The following USP28 variants were observed in gnomAD, a reference collection of about 807,000 sequenced individuals.
The protein encoded by USP28 is ubiquitin carboxyl-terminal hydrolase 28.
Under a neutral mutation model 145.0 loss-of-function variants are expected in USP28, and 113 were observed. The ratio of observed to expected loss-of-function variants is 0.78; its 90% confidence interval spans 0.67 to 0.91. USP28 has a LOEUF of 0.91. USP28 is among the 40% of genes least tolerant of loss of function. USP28 has a pLI of 0.00. For missense variants in USP28, 1,201 were observed against 1,289.6 expected (o/e 0.93, Z 1.05); for synonymous variants, 447 against 450.9 (o/e 0.99, Z 0.11).
intron 1 of USP28, among the ~76,000 whole-genome samples, chr11:113,863,496 T>G (rs974877446): frequency 1.5e-4 from 22 of 151,248 alleles, no homozygotes; most frequent in Non-Finnish European, 3.1e-4. Context: ...AACACAAAAA[T>G]TAGTCGGGTG....
intron 11 of USP28, among the ~76,000 whole-genome samples, chr11:113,824,968 A>T (rs1250791310): frequency 6.6e-6 from 1 of 151,824 alleles, no homozygotes; most frequent in Admixed American, 6.6e-5. Context: ...ATTTTCCCCA[A>T]ACTGATCTGT....
intron 3 of USP28, among the ~76,000 whole-genome samples, chr11:113,850,534 T>G (rs973110870): frequency 8.5e-5 from 13 of 152,268 alleles, no homozygotes; most frequent in Admixed American, 5.9e-4. Context: ...CACAGCAGCA[T>G]CATCCAGAAT....
intron 24 of USP28, among the ~76,000 whole-genome samples, chr11:113,801,136 A>C (rs1194002298): frequency 6.6e-6 from 1 of 152,168 alleles, no homozygotes; most frequent in Non-Finnish European, 1.5e-5. Context: ...GAGCCACTGC[A>C]CCCAGTCAGA....
chr11:113,874,852 C>T (rs45587435), intron 1 of USP28: 116,607 of 1,006,040 alleles, frequency 0.12, 6,842 homozygotes, highest in Middle Eastern at 0.17. Flanking sequence ...TTCTATTCAT[C>T]ACGCAGCTCC....
At chr11:113,844,661 A>G (rs1945620697) in intron 3 of USP28, among the ~76,000 whole-genome samples, 1 of 152,218 alleles carries the variant, frequency 6.6e-6, no homozygotes, top group Non-Finnish European at 1.5e-5. Flanking sequence ...GATGCTCAAC[A>G]TCACTAATCA....
At position 113,817,642 on chromosome 11, in the gene USP28, A is replaced by T; in HGVS notation, c.1463+16T>A. The T allele has an allele frequency of 6.2e-7, 1 of 1,609,692 alleles. No homozygotes were observed. Among genetic ancestry groups the T allele is most frequent in the Non-Finnish European group, 8.5e-7 (1 of 1,178,762 alleles). ...AAAAACAATACATACCATTAAAAAA[A>T]AAATGTTTTCATTACCTTTCCTTGG... On this transcript the variant is annotated intron_variant, in intron 13 of 24. Transcript: ENST00000003302.
chr11:113,872,267 A>C (rs1369304233), intron 1 of USP28, among the ~76,000 whole-genome samples: 1 of 152,166 alleles, frequency 6.6e-6, no homozygotes, highest in Non-Finnish European at 1.5e-5. Context: ...CGGGCGGATC[A>C]TGAGGTCAGG....
chr11:113,826,687 A>C (rs1316368767), intron 11 of USP28, among the ~76,000 whole-genome samples: 1 of 151,992 alleles, frequency 6.6e-6, no homozygotes, highest in Non-Finnish European at 1.5e-5. Context: ...TGGGAGGCCA[A>C]GGCAGGCGGA....
exon 11 of USP28, chr11:113,827,281 T>C: frequency 6.2e-7 from 1 of 1,613,230 alleles, no homozygotes; most frequent in Non-Finnish European, 8.5e-7. Context: ...GTGAATTTTC[T>C]CTGGCTGCCC....
At chr11:113,836,026 C>T (rs1469894121) in intron 5 of USP28, among the ~76,000 whole-genome samples, 5 of 152,012 alleles carry the variant, frequency 3.3e-5, no homozygotes, top group Non-Finnish European at 7.4e-5. Flanking sequence ...TGCCGTGAGC[C>T]GAGATCGCAC....
chr11:113,849,471 A>G (rs1946232720), intron 3 of USP28, among the ~76,000 whole-genome samples: 1 of 152,150 alleles, frequency 6.6e-6, no homozygotes, highest in African/African-American at 2.4e-5. Flanking sequence ...AGCCCGTGTT[A>G]GGCTTTTTAC....
intron 12 of USP28, 70 bp from the exon 13 acceptor site, chr11:113,817,907 A>T (rs963980192): frequency 1.3e-6 from 2 of 1,522,556 alleles, no homozygotes; most frequent in Non-Finnish European, 9.0e-7. Flanking sequence ...CTGACAAAAG[A>T]TCTGTTTATC....
exon 20 of USP28, chr11:113,804,878 A>G (rs767570261): frequency 6.8e-6 from 11 of 1,614,010 alleles, no homozygotes; most frequent in Non-Finnish European, 9.3e-6. Context: ...CTTTCATCAT[A>G]GCTAAGATTT....
At chr11:113,842,427 T>C (rs1019923590) in intron 3 of USP28, among the ~76,000 whole-genome samples, 6 of 151,762 alleles carry the variant, frequency 4.0e-5, no homozygotes, top group African/African-American at 1.5e-4. Flanking sequence ...CTACTAAAAA[T>C]ACAAAAAATT....
chr11:113,871,690 G>A lies in USP28; in HGVS notation c.57+3755C>T, dbSNP rs543283568. ...AATAAGAGAAAAGAGATGAGATGGC[G>A]TAGGGAGAGGGGGACAAAACAGAAG... On this transcript the variant is annotated intron_variant, in intron 1 of 24. Coordinates refer to ENST00000003302, the Ensembl canonical transcript of USP28. Among the ~76,000 whole-genome samples the A allele has an allele frequency of 2.8e-4, 43 of 152,310 alleles. No individual in the cohort carries two copies. The South Asian group carries it at 6.0e-3, about 21-fold the overall frequency.
chr11:113,842,273 A>T (rs536323066), intron 3 of USP28, among the ~76,000 whole-genome samples: 6 of 148,426 alleles, frequency 4.0e-5, no homozygotes, highest in South Asian at 2.1e-4. Context: ...CAATAATATA[A>T]AAAAAAAAAA....
rs1440361123 is a variant in USP28 at position 113,861,135 on chromosome 11, A to C, written c.58-6800T>G. 2.6e-5 allele frequency among the ~76,000 whole-genome samples: 4 copies of C among 152,146 alleles called. No homozygotes were observed. In the East Asian group the frequency reaches 7.7e-4, roughly 29 times the overall value. Reference sequence around the variant, plus strand: ...CGAGACTACACCTCAAAAAAAAAAAAAAAACCACCTCTGTCTGGACAACAG... The same window carrying C: ...CGAGACTACACCTCAAAAAAAAAAACAAAACCACCTCTGTCTGGACAACAG... On this transcript the variant is annotated intron_variant, in intron 1 of 24. Transcript: ENST00000003302.
intron 1 of USP28, among the ~76,000 whole-genome samples, chr11:113,873,009 A>G (rs1948985916): frequency 6.6e-6 from 1 of 152,208 alleles, no homozygotes; most frequent in Non-Finnish European, 1.5e-5. Context: ...CCTGTGTACA[A>G]CTGACCAATA....
intron 12 of USP28, among the ~76,000 whole-genome samples, chr11:113,822,959 G>C (rs188237580): frequency 6.6e-6 from 1 of 152,260 alleles, no homozygotes; most frequent in Admixed American, 6.5e-5. Flanking sequence ...AAAGAAAACT[G>C]TTAAGTGGAT....
Sources: gnomAD v4.1 joint callset for allele counts (sites outside exome capture counted in the v4.1 genomes callset) on GRCh38, gnomAD v4.1.1 for gene constraint, MANE v1.5 for transcripts, NCBI Gene and HGNC (gene_info 2026-07-23, HGNC 2026-07-21) for gene names.